Variants in MAP3K20 observed in about 807,000 individuals in gnomAD.
The protein encoded by MAP3K20 is mitogen-activated protein kinase kinase kinase 20.
MAP3K20 carries 40 observed loss-of-function variants against 85.7 expected under a neutral mutation model. That is an observed-to-expected ratio of 0.47 (90% CI 0.36 to 0.61). The LOEUF is 0.61. Ranked by LOEUF, MAP3K20 falls within the 20% of genes least tolerant of loss-of-function variation. The probability of loss-of-function intolerance (pLI) is 0.00; values close to 1 mark genes in which losing one functional copy is unlikely to be tolerated. For synonymous variants in MAP3K20, 325 were observed against 327.7 expected (o/e 0.99, Z 0.09); for missense variants, 817 against 961.7 (o/e 0.85, Z 1.99).
intron 3 of MAP3K20, among the ~76,000 whole-genome samples, chr2:173,175,896 A>T (rs971108357): frequency 6.6e-6 from 1 of 152,128 alleles, no homozygotes; most frequent in African/African-American, 2.4e-5. Flanking sequence ...ATTAAGATGC[A>T]ATTCTTTTTA....
At chr2:173,175,469 C>T (rs143195301) in intron 3 of MAP3K20, among the ~76,000 whole-genome samples, 5 of 152,236 alleles carry the variant, frequency 3.3e-5, no homozygotes, top group African/African-American at 1.2e-4. Context: ...TTGATTGAAA[C>T]GTGAGGAACT....
At chr2:173,189,325 A>C (rs553976507) in intron 5 of MAP3K20, among the ~76,000 whole-genome samples, 2 of 152,334 alleles carry the variant, frequency 1.3e-5, no homozygotes, top group South Asian at 4.1e-4. Flanking sequence ...GATCATACAA[A>C]GATCATTTTC....
At position 173,164,001 on chromosome 2, in the gene MAP3K20, C is replaced by T. The variant is rs1418365951; in HGVS notation, c.160-5804C>T. 7.3e-5 allele frequency among the ~76,000 whole-genome samples: 11 copies of T among 151,256 alleles called. No individual in the cohort carries two copies. In the South Asian group the frequency reaches 1.0e-3, roughly 14 times the overall value. On this transcript the variant is annotated intron_variant, in intron 2 of 19. Coordinates refer to ENST00000375213, the MANE Select transcript of MAP3K20 (RefSeq NM_016653.3). ...TCTGAGACGGAGTCTAGCTCTGTCGCGAGGCTGGAGTGCAGTGGTGCAATC... is the reference window on the plus strand; with the variant it reads ...TCTGAGACGGAGTCTAGCTCTGTCGTGAGGCTGGAGTGCAGTGGTGCAATC...
chr2:173,213,085 G>C (rs1270773023), intron 10 of MAP3K20, among the ~76,000 whole-genome samples: 2 of 151,996 alleles, frequency 1.3e-5, no homozygotes, highest in African/African-American at 4.8e-5. Flanking sequence ...TGTACACAGA[G>C]AAAAGTATCA....
At chr2:173,253,898 T>C (rs1362038059) in intron 16 of MAP3K20, among the ~76,000 whole-genome samples, 1 of 151,536 alleles carries the variant, frequency 6.6e-6, no homozygotes, top group Non-Finnish European at 1.5e-5. Flanking sequence ...TGAGACTTCA[T>C]CTCTACAAAG....
At chr2:173,209,988 T>C in intron 10 of MAP3K20, 153 bp downstream of exon 10, 1 of 662,946 alleles carries the variant, frequency 1.5e-6, no homozygotes, top group Non-Finnish European at 2.6e-6. Context: ...TTTGGAACTC[T>C]TATAAGTCCT....
chr2:173,077,744 C>G lies in MAP3K20; in HGVS notation c.-35+1742C>G, dbSNP rs1686906872. Among the ~76,000 whole-genome samples the G allele has an allele frequency of 2.0e-5, 3 of 152,144 alleles. 1 individual carries two copies. In the South Asian group the frequency reaches 6.2e-4, roughly 32 times the overall value. ...TAAAAAAGCAAATAGATGATTGATC[C>G]GTTTTTCTTAATCTTTTAGGGAATA... On this transcript the variant is annotated intron_variant, in intron 1 of 19. Transcript: ENST00000375213.
At chr2:173,093,114 A>G (rs974210526) in intron 2 of MAP3K20, among the ~76,000 whole-genome samples, 1 of 152,242 alleles carries the variant, frequency 6.6e-6, no homozygotes, top group African/African-American at 2.4e-5. Flanking sequence ...AGTTTAAGAC[A>G]TAAAAAGTTA....
chr2:173,214,592 A>AAC (rs2106311559), intron 10 of MAP3K20: 1 of 152,326 alleles, frequency 6.6e-6, no homozygotes, highest in South Asian at 2.1e-4. Context: ...TTTATCATGT[A>AAC]ATATATATTC....
chr2:173,081,814 C>A lies in MAP3K20; in HGVS notation c.-35+5812C>A, dbSNP rs188983561. 2.1e-3 allele frequency among the ~76,000 whole-genome samples: 317 copies of A among 152,176 alleles called. 1 individual carries two copies. Among genetic ancestry groups the A allele is most frequent in the Non-Finnish European group, 4.0e-3 (272 of 68,004 alleles). ...GCTTCCCTCAGAAAAGGAGGGAGAC[C>A]GTCTATACTTTATAGTAGATTAGTC... is the stretch of plus-strand genomic sequence containing the variant. On this transcript the variant is annotated intron_variant, in intron 1 of 19. Coordinates refer to ENST00000375213, the MANE Select transcript of MAP3K20 (RefSeq NM_016653.3).
intron 7 of MAP3K20, among the ~76,000 whole-genome samples, chr2:173,194,394 C>T (rs970353002): frequency 1.3e-5 from 2 of 151,994 alleles, no homozygotes; most frequent in South Asian, 2.1e-4. Context: ...AGAAAAAATA[C>T]GAGGTATGCT....
intron 2 of MAP3K20, among the ~76,000 whole-genome samples, chr2:173,117,003 G>A (rs1179296932): frequency 6.6e-6 from 1 of 152,174 alleles, no homozygotes; most frequent in Non-Finnish European, 1.5e-5. Flanking sequence ...TTCATTGATG[G>A]GGACTTCATT....
At chr2:173,093,382 T>C (rs905516287) in intron 2 of MAP3K20, among the ~76,000 whole-genome samples, 1 of 152,202 alleles carries the variant, frequency 6.6e-6, no homozygotes, top group African/African-American at 2.4e-5. Context: ...TAAGAATGAC[T>C]TAATATTAGA....
At chr2:173,205,048 AGCCAAGATTGC>A (rs1245192265) in intron 9 of MAP3K20, among the ~76,000 whole-genome samples, 1 of 149,570 alleles carries the variant, frequency 6.7e-6, no homozygotes, top group Non-Finnish European at 1.5e-5. Context: ...GCTTGCAGTG[AGCCAAGATTGC>A]GCCACTGCAC....
At chr2:173,259,060 T>A (rs1685227836) in intron 17 of MAP3K20, among the ~76,000 whole-genome samples, 1 of 152,186 alleles carries the variant, frequency 6.6e-6, no homozygotes, top group Non-Finnish European at 1.5e-5. Flanking sequence ...TTTTTTTAAT[T>A]TTTTTGTCTA....
At chr2:173,243,205 C>T (rs962091807) in intron 16 of MAP3K20, among the ~76,000 whole-genome samples, 6 of 152,086 alleles carry the variant, frequency 3.9e-5, no homozygotes, top group Admixed American at 2.0e-4. Flanking sequence ...TTTTACAAAG[C>T]CATTTACATG....
Position 173,239,429 on chromosome 2 carries a change from A to T in MAP3K20, c.1292A>T (p.Asn431Ile). ...GACTCAGGAGGTGAACCTGAAGAAA[A>T]TGAGGAAAAAATAGTGAACCTGGAA... ...IKDSGGEPEE[N>I]EEKIVNLELV... Residue 431 changes from asparagine (N) to isoleucine (I), a missense_variant, in exon 16 of 20, where the codon AAT (asparagine) becomes ATT (isoleucine). Coordinates refer to ENST00000375213, the MANE Select transcript of MAP3K20 (RefSeq NM_016653.3). 2 of 1,613,604 alleles carry T rather than the reference A, an allele frequency of 1.2e-6. No individual in the cohort carries two copies. The highest frequency in any genetic ancestry group is 1.7e-6 in the Non-Finnish European group (2 of 1,179,912).
At chr2:173,099,965 C>T (rs897265741) in intron 2 of MAP3K20, among the ~76,000 whole-genome samples, 1 of 152,254 alleles carries the variant, frequency 6.6e-6, no homozygotes, top group African/African-American at 2.4e-5. Flanking sequence ...TTAACGATCA[C>T]TCGCATCTTC....
At chr2:173,245,242 C>T (rs978085531) in intron 16 of MAP3K20, among the ~76,000 whole-genome samples, 1 of 152,116 alleles carries the variant, frequency 6.6e-6, no homozygotes, top group African/African-American at 2.4e-5. Context: ...CCACCTTTGT[C>T]CTAAGAATTC....
Sources: allele counts gnomAD v4.1 joint callset (sites outside exome capture counted in the v4.1 genomes callset), GRCh38; gene constraint gnomAD v4.1.1; transcripts MANE v1.5; gene names NCBI Gene and HGNC (gene_info 2026-07-23, HGNC 2026-07-21).